Variants in UBE2U observed in about 807,000 individuals in gnomAD.
The protein encoded by UBE2U is ubiquitin conjugating enzyme E2 U, also known as ubiquitin-conjugating enzyme E2 U.
In UBE2U, 39 loss-of-function variants were observed where a neutral mutation model predicts 41.2. The ratio of observed to expected loss-of-function variants is 0.95; its 90% CI spans 0.73 to 1.24. UBE2U has a LOEUF of 1.24. Ranked by LOEUF, UBE2U falls within the 50% of genes most tolerant of loss-of-function variation. The pLI, the probability that UBE2U is intolerant of heterozygous loss-of-function variation, is 0.00. For missense variants in UBE2U, 336 were observed against 363.1 expected (o/e 0.93, Z 0.61); for synonymous variants, 107 against 117.8 (o/e 0.91, Z 0.60).
chr1:64,246,113 A>C (rs1196299783), intron 8 of UBE2U, among the ~76,000 whole-genome samples: 1 of 149,666 alleles, frequency 6.7e-6, no homozygotes, highest in Non-Finnish European at 1.5e-5. Context: ...AAATTCTATT[A>C]TTAAACAATG....
chr1:64,238,402 A>T (rs1304701324), intron 7 of UBE2U, among the ~76,000 whole-genome samples: 3 of 135,668 alleles, frequency 2.2e-5, no homozygotes, highest in Admixed American at 2.2e-4. Context: ...AGACTATCTT[A>T]AAAAAAAAAA....
At chr1:64,205,169 C>T (rs1651216284) in intron 1 of UBE2U, among the ~76,000 whole-genome samples, 1 of 152,128 alleles carries the variant, frequency 6.6e-6, no homozygotes, top group Non-Finnish European at 1.5e-5. Flanking sequence ...AACAACTCCT[C>T]AAGTATAGGA....
At chr1:64,214,997 C>T (rs1651899313) in intron 5 of UBE2U, 65 bp downstream of exon 5, 2 of 1,334,348 alleles carry the variant, frequency 1.5e-6, no homozygotes, top group Non-Finnish European at 2.1e-6. Context: ...CTTTGGGAGG[C>T]TCAGGTGGGT....
intron 8 of UBE2U, among the ~76,000 whole-genome samples, chr1:64,247,258 G>A (rs1644936319): frequency 6.6e-6 from 1 of 151,986 alleles, no homozygotes; most frequent in South Asian, 2.1e-4. Flanking sequence ...AGTTACCATG[G>A]ATTTCTGGTT....
At position 64,205,651 on chromosome 1, in the gene UBE2U, AAGCC is replaced by A. The variant is rs1313672158; in HGVS notation, c.80_83del (p.Lys27MetfsTer2). On this transcript the variant is annotated frameshift_variant, in exon 2 of 10. Transcript: ENST00000371077. LOFTEE classifies it high-confidence loss of function. ...TTTTAACTTCAAGGGTATCACTGCTAAGCCTGTAAGTGAAGATATGATGGAATGG... is the reference window on the plus strand; with the variant it reads ...TTTTAACTTCAAGGGTATCACTGCTATGTAAGTGAAGATATGATGGAATGG... 2 of 1,612,648 alleles carry A rather than the reference AAGCC, an allele frequency of 1.2e-6. No individual in the cohort carries two copies. Among genetic ancestry groups the A allele is most frequent in the East Asian group, 4.5e-5 (2 of 44,730 alleles).
chr1:64,253,223 C>G (rs1342901571), intron 8 of UBE2U, among the ~76,000 whole-genome samples: 1 of 151,942 alleles, frequency 6.6e-6, no homozygotes, highest in Non-Finnish European at 1.5e-5. Context: ...GAAAAAAGAA[C>G]AAAAAGGAAT....
Position 64,241,723 on chromosome 1 carries a change from T to C in UBE2U, c.667T>C (p.Trp223Arg). 2 of 1,608,430 alleles carry C rather than the reference T, an allele frequency of 1.2e-6. No individual in the cohort carries two copies. Among genetic ancestry groups the C allele is most frequent in the Non-Finnish European group, 1.7e-6 (2 of 1,177,376 alleles). Reference sequence around the variant, plus strand: ...AATGGATCTACAGCATCAGAAAGAATGGAATTTAAAGTAAGAAATATGAAG... The same window carrying C: ...AATGGATCTACAGCATCAGAAAGAACGGAATTTAAAGTAAGAAATATGAAG... ...KKMDLQHQKEWNLKYSVIKCW... is the reference protein window; with the variant it reads ...KKMDLQHQKERNLKYSVIKCW... Residue 223 changes from tryptophan to arginine, a missense_variant, in exon 8 of 10, where the codon TGG (tryptophan) becomes CGG (arginine). Coordinates refer to ENST00000371077, the MANE Select transcript of UBE2U (RefSeq NM_001366232.2).
In UBE2U at chr1:64,239,124, A is replaced by G. The variant is rs906068163; in HGVS notation, c.596-2528A>G. Among the ~76,000 whole-genome samples the G allele has an allele frequency of 3.5e-3, 79 of 22,400 alleles. 1 individual carries two copies. Among genetic ancestry groups the G allele is most frequent in the African/African-American group, 0.014 (71 of 4,936 alleles). The allele number at this position is 22,400 out of a possible 152,430, so 14.7% of individuals were successfully genotyped here. ...GAAGAAGAAGAAGAAGAAGAAGAAG[A>G]AGAAGAAGAAGAAGAAGAAGAAGAA... On this transcript the variant is annotated intron_variant, in intron 7 of 9. Transcript: ENST00000371077.
At chr1:64,266,317 C>T (rs1645253736) in intron 9 of UBE2U, among the ~76,000 whole-genome samples, 2 of 152,180 alleles carry the variant, frequency 1.3e-5, no homozygotes, top group South Asian at 4.1e-4. Flanking sequence ...TCCCTTCCAG[C>T]TCCACGAAAC....
rs368649443 is a variant in UBE2U at position 64,265,048 on chromosome 1, C to T, written c.770-1976C>T. 3.1e-4 allele frequency among the ~76,000 whole-genome samples: 47 copies of T among 152,216 alleles called. 6 individuals carry two copies. The South Asian group carries it at 3.1e-3, about 10-fold the overall frequency. On this transcript the variant is annotated intron_variant, in intron 9 of 9. Coordinates refer to ENST00000371077, the MANE Select transcript of UBE2U (RefSeq NM_001366232.2). ...TGGGCACTTCAGGGGATGGTTTTGCCGTCCACTCTTAAAAATGAGATCTTG... is the reference window on the plus strand; with the variant it reads ...TGGGCACTTCAGGGGATGGTTTTGCTGTCCACTCTTAAAAATGAGATCTTG...
chr1:64,263,616 A>G (rs887000942), intron 9 of UBE2U, among the ~76,000 whole-genome samples: 1 of 152,242 alleles, frequency 6.6e-6, no homozygotes, highest in African/African-American at 2.4e-5. Context: ...TGTAGCGAGA[A>G]TGAACTTATA....
At chr1:64,256,847 A>G (rs1570145298) in intron 8 of UBE2U, among the ~76,000 whole-genome samples, 1 of 152,056 alleles carries the variant, frequency 6.6e-6, no homozygotes, top group African/African-American at 2.4e-5. Context: ...AAGGGAGAAA[A>G]ATTTTGCCAT....
rs764246271 is a variant in UBE2U at position 64,232,620 on chromosome 1, C to A, written c.566C>A (p.Ser189Ter). 7 of 1,613,342 alleles carry A rather than the reference C, an allele frequency of 4.3e-6. No individual in the cohort carries two copies. The African/African-American group carries it at 8.0e-5, about 18-fold the overall frequency. ...YYQTWSRIATSKATEYYRTPL... is the reference protein window; with the variant it reads ...YYQTWSRIAT ...CAGACATGGTCCAGAATAGCTACAT[C>A]AAAAGCCACAGAATACTACAGAACT... The change falls in exon 7 of 10, where the codon TCA (serine) becomes TAA (stop). Residue 189 changes from serine to a stop codon, truncating the protein, a stop_gained. Coordinates refer to ENST00000371077, the MANE Select transcript of UBE2U (RefSeq NM_001366232.2). LOFTEE classifies it high-confidence loss of function.
At position 64,243,962 on chromosome 1, in the gene UBE2U, G is replaced by T. The variant is rs550444528; in HGVS notation, c.677+2229G>T. Among the ~76,000 whole-genome samples, 15 of 152,224 alleles carry T rather than the reference G, an allele frequency of 9.9e-5. No homozygotes were observed. In the East Asian group the frequency reaches 2.9e-3, roughly 29 times the overall value. On this transcript the variant is annotated intron_variant, in intron 8 of 9. Coordinates refer to ENST00000371077, the MANE Select transcript of UBE2U (RefSeq NM_001366232.2). ...TTTTTTTTGTGCCTCAGATTTATCT[G>T]TTAAGTGGCAGTAATAAGTGTACCT... is the stretch of plus-strand genomic sequence containing the variant.
intron 3 of UBE2U, among the ~76,000 whole-genome samples, chr1:64,207,567 T>G (rs1355532440): frequency 6.6e-6 from 1 of 152,230 alleles, no homozygotes; most frequent in African/African-American, 2.4e-5. Flanking sequence ...TTTAGTTGGA[T>G]CTAATTTTTC....
At chr1:64,266,957 A>C in intron 9 of UBE2U, 67 bp from the exon 10 acceptor site, 1 of 1,410,304 alleles carries the variant, frequency 7.1e-7, no homozygotes, top group Admixed American at 2.3e-5. Flanking sequence ...ATGCAGGAAC[A>C]CTTCTCTTTT....
At chr1:64,222,358 A>G (rs1652552274) in intron 6 of UBE2U, among the ~76,000 whole-genome samples, 1 of 152,178 alleles carries the variant, frequency 6.6e-6, no homozygotes, top group Non-Finnish European at 1.5e-5. Context: ...TTTATGGTAT[A>G]GTTATTTGCA....
chr1:64,248,489 G>A (rs1224661888), intron 8 of UBE2U, among the ~76,000 whole-genome samples: 1 of 151,726 alleles, frequency 6.6e-6, no homozygotes, highest in Non-Finnish European at 1.5e-5. Context: ...TCCTTTTCAA[G>A]AACATGTTAC....
At chr1:64,239,164 AAGAAGAAGAAGAAGAAG>A (rs1240493738) in intron 7 of UBE2U, among the ~76,000 whole-genome samples, 2 of 84,312 alleles carry the variant, frequency 2.4e-5, no homozygotes, top group Admixed American at 2.3e-4. Context: ...AAGAAAGAAG[AAGAAGAAGAAGAAGAAG>A]AAGAAGAAGA....
Sources: gnomAD v4.1 joint callset for allele counts (sites outside exome capture counted in the v4.1 genomes callset) on GRCh38, gnomAD v4.1.1 for gene constraint, MANE v1.5 for transcripts, NCBI Gene and HGNC (gene_info 2026-07-23, HGNC 2026-07-21) for gene names.